The following FSTL4 variants were observed in gnomAD, a reference collection of about 807,000 sequenced individuals.
FSTL4 encodes follistatin-related protein 4.
FSTL4 carries 28 observed loss-of-function variants against 78.2 expected under a neutral mutation model. That is an observed-to-expected ratio of 0.36 (90% CI 0.27 to 0.49). FSTL4 has a LOEUF of 0.49. Ranked by LOEUF, FSTL4 falls within the 20% of genes least tolerant of loss-of-function variation. The pLI, the probability that FSTL4 is intolerant of heterozygous loss-of-function variation, is 0.98. For missense variants in FSTL4, 922 were observed against 1,084.9 expected (o/e 0.85, Z 2.11); for synonymous variants, 422 against 440.5 (o/e 0.96, Z 0.53).
chr5:133,505,584 A>G (rs1319379382), intron 3 of FSTL4, among the ~76,000 whole-genome samples: 1 of 152,268 alleles, frequency 6.6e-6, no homozygotes, highest in Non-Finnish European at 1.5e-5. Flanking sequence ...AGATATTCTG[A>G]GCCATTAGAC....
At chr5:133,306,359 C>G (rs1055457707) in intron 6 of FSTL4, among the ~76,000 whole-genome samples, 1 of 152,228 alleles carries the variant, frequency 6.6e-6, no homozygotes, top group Non-Finnish European at 1.5e-5. Context: ...AATTACGCAG[C>G]CTGCCAGCCG....
Position 133,392,656 on chromosome 5 carries a change from C to CTAGGAGGATGCTGGGACAACAGCTTT in FSTL4, c.409+8081_409+8082insAAAGCTGTTGTCCCAGCATCCTCCTA, listed in dbSNP as rs369467391. On this transcript the variant is annotated intron_variant, in intron 4 of 15. Coordinates refer to ENST00000265342, the MANE Select transcript of FSTL4 (RefSeq NM_015082.2). ...TGACAGGGAAGAGATGAAAGGCTAC[C>CTAGGAGGATGCTGGGACAACAGCTTT]TAGGAGGATGCTGGGACAACAGCTT... 4.6e-3 allele frequency among the ~76,000 whole-genome samples: 698 copies of CTAGGAGGATGCTGGGACAACAGCTTT among 152,196 alleles called. 5 individuals are homozygous for CTAGGAGGATGCTGGGACAACAGCTTT. The highest frequency in any genetic ancestry group is 0.015 in the African/African-American group (640 of 41,514).
At chr5:133,200,519 C>T (rs1455844144) in intron 15 of FSTL4, among the ~76,000 whole-genome samples, 1 of 152,228 alleles carries the variant, frequency 6.6e-6, no homozygotes, top group Non-Finnish European at 1.5e-5. Context: ...GTGACTGTAA[C>T]CAGGTTAGCT....
At chr5:133,627,151 C>CTTTTTTTTTTTTTTTTTTTTTTTTTTTTT in the FSTL4 span, among the ~76,000 whole-genome samples, 1 of 93,020 alleles carries the variant, frequency 1.1e-5, no homozygotes, top group Non-Finnish European at 2.0e-5. Context: ...CTCTGTGTCT[C>CTTTTTTTTTTTTTTTTTTTTTTTTTTTTT]TTTTTTTTTT....
intron 3 of FSTL4, among the ~76,000 whole-genome samples, chr5:133,548,215 T>C (rs1561465165): frequency 6.6e-6 from 1 of 152,206 alleles, no homozygotes; most frequent in African/African-American, 2.4e-5. Flanking sequence ...CCTAAGGGTG[T>C]CATGGAAAGG....
chr5:133,509,584 G>A (rs1466785662), intron 3 of FSTL4, among the ~76,000 whole-genome samples: 1 of 152,186 alleles, frequency 6.6e-6, no homozygotes, highest in Non-Finnish European at 1.5e-5. Flanking sequence ...TATTTAAATG[G>A]TTATTGCTCT....
the FSTL4 span, among the ~76,000 whole-genome samples, chr5:133,744,453 T>C: frequency 0.059 from 8,957 of 152,224 alleles, 422 homozygotes; most frequent in East Asian, 0.19. Context: ...TGCCGCATGG[T>C]GCTGCAGACA....
At chr5:133,369,493 T>C (rs570494992) in intron 4 of FSTL4, among the ~76,000 whole-genome samples, 68 of 152,214 alleles carry the variant, frequency 4.5e-4, no homozygotes, top group Non-Finnish European at 8.4e-4. Context: ...TCCCCTCTAT[T>C]GCACAGAGGG....
chr5:133,429,668 G>A (rs1756895946), intron 3 of FSTL4, among the ~76,000 whole-genome samples: 2 of 152,014 alleles, frequency 1.3e-5, no homozygotes, highest in South Asian at 2.1e-4. Context: ...CTGTACTATG[G>A]GTTTCTGGAC....
chr5:133,632,929 C>T, the FSTL4 span, among the ~76,000 whole-genome samples: 5 of 152,170 alleles, frequency 3.3e-5, no homozygotes, highest in Non-Finnish European at 7.3e-5. Flanking sequence ...GCTCAATGAT[C>T]CACACAACCT....
the FSTL4 span, among the ~76,000 whole-genome samples, chr5:133,685,326 C>T: frequency 2.0e-5 from 3 of 152,142 alleles, no homozygotes; most frequent in African/African-American, 4.8e-5. Context: ...TATGGCTCCT[C>T]GGAAGAAACA....
chr5:133,214,475 T>C (rs1010649887), intron 13 of FSTL4, among the ~76,000 whole-genome samples: 3 of 152,220 alleles, frequency 2.0e-5, no homozygotes, highest in Non-Finnish European at 4.4e-5. Flanking sequence ...GAGATCCAAC[T>C]CTGGTCTCAC....
At chr5:133,786,381 C>A in the FSTL4 span, among the ~76,000 whole-genome samples, 1 of 152,134 alleles carries the variant, frequency 6.6e-6, no homozygotes, top group East Asian at 1.9e-4. Context: ...TAATTTATGC[C>A]CCTTATGCAC....
the FSTL4 span, among the ~76,000 whole-genome samples, chr5:133,782,411 G>A: frequency 1.6e-3 from 243 of 152,298 alleles, 1 homozygote; most frequent in South Asian, 0.012. Context: ...TGGGGCTGTC[G>A]TTTTCTGTCT....
chr5:133,661,188 C>T, the FSTL4 span, among the ~76,000 whole-genome samples: 1 of 152,156 alleles, frequency 6.6e-6, no homozygotes, highest in Admixed American at 6.5e-5. Context: ...TGGGGTTTCA[C>T]CATGTTGGCC....
chr5:133,676,239 T>C, the FSTL4 span, among the ~76,000 whole-genome samples: 1 of 152,218 alleles, frequency 6.6e-6, no homozygotes, highest in Non-Finnish European at 1.5e-5. Context: ...GAAATTAGTA[T>C]GGAAAAATAA....
chr5:133,375,291 C>CATATATATATGTGTGTGTATATATATAT lies in FSTL4; in HGVS notation c.409+25446_409+25447insATATATATATACACACACATATATATAT, dbSNP rs67110507. Reference sequence around the variant, plus strand: ...AACCCAAAACATAGGGTGTGCATGGCATATATATATATATATATATAAAAG... The same window carrying CATATATATATGTGTGTGTATATATATAT: ...AACCCAAAACATAGGGTGTGCATGGCATATATATATGTGTGTGTATATATATATATATATATATATATATATATAAAAG... On this transcript the variant is annotated intron_variant, in intron 4 of 15. Transcript: ENST00000265342. 3.1e-4 allele frequency among the ~76,000 whole-genome samples: 18 copies of CATATATATATGTGTGTGTATATATATAT among 57,950 alleles called. 1 individual carries two copies. Among genetic ancestry groups the CATATATATATGTGTGTGTATATATATAT allele is most frequent in the East Asian group, 1.7e-3 (5 of 2,858 alleles). 38.0% of individuals were successfully genotyped at this position (57,950 alleles called of 152,430 possible).
At chr5:133,355,304 T>C (rs1754917948) in intron 4 of FSTL4, among the ~76,000 whole-genome samples, 1 of 152,200 alleles carries the variant, frequency 6.6e-6, no homozygotes, top group Admixed American at 6.5e-5. Flanking sequence ...TGACTGAATG[T>C]TTCTTTGGGT....
At chr5:133,709,577 A>C in the FSTL4 span, among the ~76,000 whole-genome samples, 1 of 152,274 alleles carries the variant, frequency 6.6e-6, no homozygotes, top group African/African-American at 2.4e-5. Context: ...GCCACTCTGC[A>C]GCATTTCAGA....
Sources: gnomAD v4.1 joint callset for allele counts (sites outside exome capture counted in the v4.1 genomes callset) on GRCh38, gnomAD v4.1.1 for gene constraint, MANE v1.5 for transcripts, NCBI Gene and HGNC (gene_info 2026-07-23, HGNC 2026-07-21) for gene names.